Variants in SYNJ1 observed in about 807,000 individuals in gnomAD.
SYNJ1 encodes the protein synaptojanin 1, also known as polyphosphatidylinositol phosphatase SYNJ1.
A neutral mutation model predicts 168.2 loss-of-function variants in SYNJ1; 78 were observed. That is an observed-to-expected ratio of 0.46 (90% CI 0.39 to 0.56). The LOEUF (loss-of-function observed/expected upper bound fraction) is 0.56, where lower values mean the gene tolerates loss of function less well. SYNJ1 is among the 20% of genes least tolerant of loss of function. SYNJ1 has a pLI of 0.00. For missense variants in SYNJ1, 1,303 were observed against 1,597.6 expected (o/e 0.82, Z 3.14); for synonymous variants, 539 against 548.6 (o/e 0.98, Z 0.24).
chr21:32,688,123 CCCACACTT>C (rs1214115493), intron 7 of SYNJ1, among the ~76,000 whole-genome samples, 175 bp downstream of exon 7: 2 of 151,952 alleles, frequency 1.3e-5, no homozygotes, highest in Non-Finnish European at 2.9e-5. Context: ...GAGATCAAGA[CCCACACTT>C]CCAGCACTAC....
intron 30 of SYNJ1, among the ~76,000 whole-genome samples, chr21:32,639,362 T>C (rs1407412759): frequency 2.6e-5 from 4 of 152,136 alleles, no homozygotes; most frequent in Non-Finnish European, 4.4e-5. Flanking sequence ...ATTTCTAATA[T>C]AGTATCTACC....
chr21:32,687,064 T>G lies in SYNJ1; in HGVS notation c.862A>C (p.Thr288Pro), dbSNP rs571120951. The G allele has an allele frequency of 2.7e-6, 4 of 1,489,322 alleles. No individual in the cohort carries two copies. Among genetic ancestry groups the G allele is most frequent in the Non-Finnish European group, 3.6e-6 (4 of 1,113,658 alleles). The allele number at this position is 1,489,322 out of a possible 1,614,324, so 92.3% of individuals were successfully genotyped here. ...TGTTTACCATATAAGTTCTTAAGTG[T>G]TCTAAAATGCCTATTTAAGAAAGAA... ...NAPAFDRHFR[T>P]LKNLYGKQII... Residue 288 changes from threonine to proline, a missense_variant, in exon 8 of 33, where the codon ACA becomes CCA. By Grantham distance (38) the Thr-to-Pro change is conservative. Around this residue, in one of 2 missense-constraint regions of SYNJ1, gnomAD observed 920 missense variants for 1,208.8 expected, o/e 0.76. Transcript: ENST00000674351.
chr21:32,677,200 T>C (rs2041446133), intron 12 of SYNJ1, among the ~76,000 whole-genome samples: 1 of 152,160 alleles, frequency 6.6e-6, no homozygotes, highest in Non-Finnish European at 1.5e-5. Context: ...TGTGTGCATA[T>C]GTGTATGTGT....
At position 32,656,771 on chromosome 21, in the gene SYNJ1, A is replaced by G. The variant is rs1383922256; in HGVS notation, c.2711T>C (p.Leu904Ser). ...ATCATCAAAAAAATTATTTTCTGGT[A>G]AAGAACTTTTGATTGAGACCAATAC... ...GTVLVSIKSS[L>S]PENNFFDDAL... Residue 904 changes from leucine (L) to serine (S), a missense_variant, in exon 21 of 33, where the codon TTA becomes TCA. This residue lies in a region of SYNJ1 where 920 missense variants were observed against 1,208.8 expected (regional missense o/e 0.76). Coordinates refer to ENST00000674351, the MANE Select transcript of SYNJ1 (RefSeq NM_203446.3). The G allele has an allele frequency of 7.4e-6, 12 of 1,614,034 alleles. No individual in the cohort carries two copies. The highest frequency in any genetic ancestry group is 1.0e-5 in the Non-Finnish European group (12 of 1,180,020).
In SYNJ1 at chr21:32,628,821, G is replaced by C. The variant is rs1371129406; in HGVS notation, c.*2984C>G. On this transcript the variant is annotated 3_prime_UTR_variant, in exon 33 of 33. Coordinates refer to ENST00000674351, the MANE Select transcript of SYNJ1 (RefSeq NM_203446.3). ...ACGTTTCACAGGATATGTACAGAAT[G>C]TCTGTGTACCACTGACTTTAATACT... is the stretch of plus-strand genomic sequence containing the variant. 1.3e-5 allele frequency: 2 copies of C among 152,592 alleles called. No individual in the cohort carries two copies. The highest frequency in any genetic ancestry group is 1.3e-4 in the Admixed American group (2 of 15,280). 9.5% of individuals were successfully genotyped at this position (152,592 alleles called of 1,614,324 possible).
At chr21:32,698,382 C>T (rs574148573) in intron 4 of SYNJ1, among the ~76,000 whole-genome samples, 4 of 152,206 alleles carry the variant, frequency 2.6e-5, no homozygotes, top group East Asian at 3.9e-4. Context: ...GGGTGACACC[C>T]GAATGTGCTA....
rs999368706 is a variant in SYNJ1 at position 32,629,793 on chromosome 21, A to C, written c.*2012T>G. On this transcript the variant is annotated 3_prime_UTR_variant, in exon 33 of 33. Coordinates refer to ENST00000674351, the MANE Select transcript of SYNJ1 (RefSeq NM_203446.3). Reference sequence around the variant, plus strand: ...AAAAATTCTGTGTACTTCTTCAAAAAATTAATAAAAGCGGGATCAGTTGCA... The same window carrying C: ...AAAAATTCTGTGTACTTCTTCAAAACATTAATAAAAGCGGGATCAGTTGCA... The C allele has an allele frequency of 2.0e-5, 3 of 152,460 alleles. No homozygotes were observed. Among genetic ancestry groups the C allele is most frequent in the Non-Finnish European group, 4.4e-5 (3 of 68,046 alleles). The allele number at this position is 152,460 out of a possible 1,614,324, so 9.4% of individuals were successfully genotyped here.
chr21:32,694,174 A>C (rs1329394647), intron 6 of SYNJ1, 54 bp downstream of exon 6: 2 of 1,293,914 alleles, frequency 1.5e-6, no homozygotes, highest in Non-Finnish European at 1.0e-6. Context: ...CAGAAAGTTT[A>C]GAAAATATGA....
rs535595794 is a variant in SYNJ1, at chr21:32,727,516, G to A, written c.-23+430C>T. Among the ~76,000 whole-genome samples the A allele has an allele frequency of 2.0e-5, 3 of 151,946 alleles. No homozygotes were observed. The East Asian group carries it at 5.9e-4, about 30-fold the overall frequency. On this transcript the variant is annotated intron_variant, in intron 1 of 32. Transcript: ENST00000674351. ...GGCTGGGGGGACGGCAGGCGGGGCC[G>A]ATAAATACGAATGGCCACCCGGGAA...
intron 2 of SYNJ1, among the ~76,000 whole-genome samples, chr21:32,719,814 T>G (rs944465025): frequency 6.6e-6 from 1 of 151,242 alleles, no homozygotes; most frequent in Non-Finnish European, 1.5e-5. Context: ...ATGAAGAAAA[T>G]AAATGTTCTA....
At chr21:32,671,915 C>T (rs9980110) in intron 14 of SYNJ1, among the ~76,000 whole-genome samples, 67,899 of 151,102 alleles carry the variant, frequency 0.45, 15,880 homozygotes, top group Admixed American at 0.52. Context: ...AAAAATTAGC[C>T]GGGCACGGTG....
chr21:32,712,938 A>G (rs947164368), intron 2 of SYNJ1, among the ~76,000 whole-genome samples: 4 of 152,356 alleles, frequency 2.6e-5, no homozygotes, highest in Admixed American at 6.5e-5. Flanking sequence ...AATACAGCCA[A>G]CAGAAATGTG....
At chr21:32,658,853 A>C (rs2040567962) in intron 18 of SYNJ1, among the ~76,000 whole-genome samples, 1 of 152,248 alleles carries the variant, frequency 6.6e-6, no homozygotes, top group African/African-American at 2.4e-5. Flanking sequence ...CAGTCAGGGA[A>C]ATATCCTGCT....
rs1232816767 is a variant in SYNJ1, at chr21:32,642,101, T to C, written c.3511A>G (p.Asn1171Asp). 6.2e-7 allele frequency: 1 copy of C among 1,614,196 alleles called. No homozygotes were observed. The highest frequency in any genetic ancestry group is 8.5e-7 in the Non-Finnish European group (1 of 1,180,042). Residue 1171 changes from asparagine (N) to aspartate (D), a missense_variant, in exon 28 of 33, where the codon AAT becomes GAT. Physicochemically the swap from Asn to Asp is conservative, Grantham distance 23. Transcript: ENST00000674351. ...PKSPGTTRKDNIGRSQPSPQA... is the reference protein window; with the variant it reads ...PKSPGTTRKDDIGRSQPSPQA... ...TACATTCAAGTGTTTTTACCTATATTATCTTTCCTTGTTGTTCCAGGGCTT... is the reference window on the plus strand; with the variant it reads ...TACATTCAAGTGTTTTTACCTATATCATCTTTCCTTGTTGTTCCAGGGCTT...
Position 32,722,892 on chromosome 21 carries a change from C to A in SYNJ1, c.124+3880G>T, listed in dbSNP as rs183668674. Reference sequence around the variant, plus strand: ...TACTTAGTAGCCCCATAAAAGACAACAGCACCAAAATTCTGGAAACATGGT... The same window carrying A: ...TACTTAGTAGCCCCATAAAAGACAAAAGCACCAAAATTCTGGAAACATGGT... On this transcript the variant is annotated intron_variant, in intron 2 of 32. Transcript: ENST00000674351. Among the ~76,000 whole-genome samples, 397 of 152,286 alleles carry A rather than the reference C, an allele frequency of 2.6e-3. 1 individual carries two copies. The highest frequency in any genetic ancestry group is 9.1e-3 in the African/African-American group (378 of 41,544).
At chr21:32,681,730 CCA>C in intron 10 of SYNJ1, 82 bp from the exon 11 acceptor site, 1 of 1,357,220 alleles carries the variant, frequency 7.4e-7, no homozygotes, top group Non-Finnish European at 9.9e-7. Flanking sequence ...CAGAATCAAA[CCA>C]AAAATTTATC....
Position 32,726,797 on chromosome 21 carries a change from G to C in SYNJ1, c.99C>G (p.Phe33Leu), listed in dbSNP as rs746651449. The C allele has an allele frequency of 7.4e-6, 12 of 1,614,136 alleles. No individual in the cohort carries two copies. The East Asian group carries it at 2.5e-4, about 33-fold the overall frequency. The change falls in exon 2 of 33, where the codon TTC (phenylalanine) becomes TTG (leucine). Residue 33 changes from phenylalanine (F) to leucine (L), a missense_variant. This residue lies in a region of SYNJ1 where 920 missense variants were observed against 1,208.8 expected (regional missense o/e 0.76). Transcript: ENST00000674351. ...AGAGCACAGCGACAGCCCCAGACTCGAACATGAGACATTCTTCCTTATGCC... is the reference window on the plus strand; with the variant it reads ...AGAGCACAGCGACAGCCCCAGACTCCAACATGAGACATTCTTCCTTATGCC... ...ETRHKEECLM[F>L]ESGAVAVLSS... is the part of the protein sequence containing the mutation.
intron 25 of SYNJ1, among the ~76,000 whole-genome samples, chr21:32,645,393 A>C (rs1057356655): frequency 3.3e-5 from 5 of 152,168 alleles, no homozygotes; most frequent in African/African-American, 1.2e-4. Context: ...GCAAAAACAA[A>C]ATAAACCTCT....
intron 12 of SYNJ1, among the ~76,000 whole-genome samples, chr21:32,676,612 C>A (rs1040800054): frequency 1.3e-5 from 2 of 152,174 alleles, no homozygotes; most frequent in Non-Finnish European, 2.9e-5. Flanking sequence ...CCTAGGCCTG[C>A]GCTTCTGGCT....
Sources: allele counts gnomAD v4.1 joint callset (sites outside exome capture counted in the v4.1 genomes callset), GRCh38; gene constraint gnomAD v4.1.1; regional missense constraint gnomAD v4.1.1; transcripts MANE v1.5; gene names NCBI Gene and HGNC (gene_info 2026-07-23, HGNC 2026-07-21).